Variants in GNG7 observed in about 807,000 individuals in gnomAD.
The protein encoded by GNG7 is guanine nucleotide-binding protein G(I)/G(S)/G(O) subunit gamma-7.
A neutral mutation model predicts 4.0 loss-of-function variants in GNG7; 1 was observed. The observed-to-expected ratio is 0.25, with a 90% CI of 0.09 to 1.18. The LOEUF is 1.18. Ranked by LOEUF, GNG7 falls within the 50% of genes most tolerant of loss-of-function variation. GNG7 has a pLI of 0.50. For synonymous variants in GNG7, 34 were observed against 36.9 expected (o/e 0.92, Z 0.29); for missense variants, 86 against 91.9 (o/e 0.94, Z 0.26).
intron 2 of GNG7, among the ~76,000 whole-genome samples, chr19:2,636,992 C>T (rs148664494): frequency 6.6e-6 from 1 of 150,932 alleles, no homozygotes; most frequent in Non-Finnish European, 1.5e-5. Context: ...CCACCTGCAC[C>T]TCTGTCCCCA....
At chr19:2,660,204 T>C (rs1983110821) in intron 1 of GNG7, among the ~76,000 whole-genome samples, 1 of 152,150 alleles carries the variant, frequency 6.6e-6, no homozygotes, top group African/African-American at 2.4e-5. Flanking sequence ...TGGAGATGAT[T>C]AGCTTATTTC....
At chr19:2,680,396 C>A (rs553208274) in intron 1 of GNG7, among the ~76,000 whole-genome samples, 1 of 151,930 alleles carries the variant, frequency 6.6e-6, no homozygotes, top group African/African-American at 2.4e-5. Context: ...GTGATCCACC[C>A]GCCTCGGTCT....
chr19:2,697,322 C>G (rs532755126), intron 1 of GNG7, among the ~76,000 whole-genome samples: 3 of 152,132 alleles, frequency 2.0e-5, no homozygotes, highest in African/African-American at 7.2e-5. Flanking sequence ...CGAACCCCAC[C>G]GCCCATCCGT....
At chr19:2,621,739 A>C (rs1258963350) in intron 2 of GNG7, among the ~76,000 whole-genome samples, 4 of 152,116 alleles carry the variant, frequency 2.6e-5, no homozygotes, top group African/African-American at 2.4e-5. Context: ...AGAAGGAGAC[A>C]CAGAGAGACA....
chr19:2,515,390 T>C (rs1328180777), intron 4 of GNG7, among the ~76,000 whole-genome samples: 2 of 151,742 alleles, frequency 1.3e-5, no homozygotes, highest in Non-Finnish European at 2.9e-5. Context: ...CAGTGAGAGA[T>C]GCCAGACACA....
At chr19:2,540,076 C>T (rs1398228038) in intron 3 of GNG7, among the ~76,000 whole-genome samples, 2 of 136,864 alleles carry the variant, frequency 1.5e-5, no homozygotes, top group South Asian at 2.3e-4. Flanking sequence ...CTCCCTCCCT[C>T]TCTCTCTCTC....
chr19:2,636,445 G>C (rs906228981), intron 2 of GNG7, among the ~76,000 whole-genome samples: 23 of 152,118 alleles, frequency 1.5e-4, no homozygotes, highest in African/African-American at 5.6e-4. Context: ...CTGATGGTGG[G>C]GACAAGCCAG....
At chr19:2,589,273 A>C (rs1193401078) in intron 2 of GNG7, among the ~76,000 whole-genome samples, 1 of 146,454 alleles carries the variant, frequency 6.8e-6, no homozygotes, top group Non-Finnish European at 1.5e-5. Context: ...CCCAGGCTGG[A>C]GTGCAGTGGC....
rs190360960 is a variant in GNG7 at position 2,611,878 on chromosome 19, A to T, written c.-78+34346T>A. 1.3e-5 allele frequency: 2 copies of T among 151,656 alleles called. No homozygotes were observed. Among genetic ancestry groups the T allele is most frequent in the Admixed American group, 6.6e-5 (1 of 15,220 alleles). The allele number at this position is 151,656 out of a possible 1,614,324, so 9.4% of individuals were successfully genotyped here. On this transcript the variant is annotated intron_variant, in intron 2 of 4. Transcript: ENST00000382159. The surrounding 1 kb of genome is among the most constrained non-coding windows in gnomAD (Gnocchi z 6.0). Reference sequence around the variant, plus strand: ...AAAGTAAAAGTAAATAAAAATAAAAATCTTTTTTTTTTTTGAGATGGAGTC... The same window carrying T: ...AAAGTAAAAGTAAATAAAAATAAAATTCTTTTTTTTTTTTGAGATGGAGTC...
intron 3 of GNG7, among the ~76,000 whole-genome samples, chr19:2,537,758 C>T (rs12710069): frequency 0.78 from 118,059 of 151,206 alleles, 46,384 homozygotes; most frequent in East Asian, 0.97. Context: ...ACAGTGACTG[C>T]AGGGCTGACA....
chr19:2,638,775 A>C (rs977067125), intron 2 of GNG7, among the ~76,000 whole-genome samples: 78 of 152,216 alleles, frequency 5.1e-4, no homozygotes, highest in African/African-American at 1.8e-3. Context: ...TTGGGTCAGA[A>C]TCACCCCTGC....
Position 2,611,296 on chromosome 19 carries a change from A to T in GNG7, c.-78+34928T>A, listed in dbSNP as rs1045806681. The T allele has an allele frequency of 6.6e-6, 1 of 152,282 alleles. No homozygotes were observed. Among genetic ancestry groups the T allele is most frequent in the African/African-American group, 2.4e-5 (1 of 41,442 alleles). The allele number at this position is 152,282 out of a possible 1,614,324, so 9.4% of individuals were successfully genotyped here. ...GAGGAATTCCGCCTGGCGAGCGTCTAGACTGCGGTGTTTCTGGGACGCTGG... is the reference window on the plus strand; with the variant it reads ...GAGGAATTCCGCCTGGCGAGCGTCTTGACTGCGGTGTTTCTGGGACGCTGG... On this transcript the variant is annotated intron_variant, in intron 2 of 4. Transcript: ENST00000382159. The surrounding 1 kb of genome is among the most constrained non-coding windows in gnomAD (Gnocchi z 6.0).
Position 2,554,046 on chromosome 19 carries a change from A to G in GNG7, c.-38+1103T>C, listed in dbSNP as rs932670853. 7.8e-4 allele frequency among the ~76,000 whole-genome samples: 107 copies of G among 136,780 alleles called. 1 individual carries two copies. Among genetic ancestry groups the G allele is most frequent in the African/African-American group, 2.9e-3 (103 of 35,528 alleles). The allele number at this position is 136,780 out of a possible 152,430, so 89.7% of individuals were successfully genotyped here. On this transcript the variant is annotated intron_variant, in intron 3 of 4. Transcript: ENST00000382159. The stretch of plus-strand genomic sequence containing the variant: ...TATGTATACACAGTGGCGTGCACCT[A>G]TAGTCCCAGCTACTCAGGAGGCTGA...
intron 1 of GNG7, among the ~76,000 whole-genome samples, chr19:2,688,706 T>A (rs1913061153): frequency 6.6e-6 from 1 of 151,966 alleles, no homozygotes; most frequent in South Asian, 2.1e-4. Flanking sequence ...AGATGGGTCC[T>A]GGGGCAGGAA....
chr19:2,673,831 C>T (rs901584809), intron 1 of GNG7, among the ~76,000 whole-genome samples: 2 of 151,870 alleles, frequency 1.3e-5, no homozygotes, highest in East Asian at 3.9e-4. Context: ...GGGCCTTGTA[C>T]TGCTTTTGTA....
chr19:2,588,291 T>C (rs144326604), intron 2 of GNG7, among the ~76,000 whole-genome samples: 1,620 of 152,252 alleles, frequency 0.011, 25 homozygotes, highest in African/African-American at 0.037. Flanking sequence ...TCCGGCTGAA[T>C]TGCAACTGGC....
intron 1 of GNG7, among the ~76,000 whole-genome samples, chr19:2,671,241 G>A (rs1192646331): frequency 6.7e-6 from 1 of 148,476 alleles, no homozygotes; most frequent in African/African-American, 2.5e-5. Context: ...CTCTCCAGCT[G>A]ATCTCAGACA....
At chr19:2,693,726 A>T (rs906771063) in intron 1 of GNG7, among the ~76,000 whole-genome samples, 2 of 152,122 alleles carry the variant, frequency 1.3e-5, no homozygotes, top group Admixed American at 1.3e-4. Context: ...ATGTCCCCAG[A>T]CGTTGCTCAG....
At chr19:2,600,540 C>G (rs1298508406) in intron 2 of GNG7, among the ~76,000 whole-genome samples, 1 of 149,772 alleles carries the variant, frequency 6.7e-6, no homozygotes, top group African/African-American at 2.5e-5. Context: ...GGCGCAATCT[C>G]AGCTCACTTC....
Sources: allele counts gnomAD v4.1 joint callset (sites outside exome capture counted in the v4.1 genomes callset), GRCh38; gene constraint gnomAD v4.1.1; non-coding constraint Gnocchi (gnomAD v3.1); transcripts MANE v1.5; gene names NCBI Gene and HGNC (gene_info 2026-07-23, HGNC 2026-07-21).